Variants in CELF2 observed in about 807,000 individuals in gnomAD.
The protein encoded by CELF2 is CUG triplet repeat RNA-binding protein 2.
In CELF2, 8 loss-of-function variants were observed where a neutral mutation model predicts 62.6. That is an observed-to-expected ratio of 0.13 (90% confidence interval 0.07 to 0.23). The LOEUF is 0.23. Ranked by LOEUF, CELF2 falls within the 10% of genes least tolerant of loss-of-function variation. The pLI is 1.00. For missense variants in CELF2, 333 were observed against 671.0 expected, an observed-to-expected ratio of 0.50 and a Z score of 5.56; for synonymous variants, 258 against 250.0, an observed-to-expected ratio of 1.03 and a Z score of -0.30.
the CELF2 span, among the ~76,000 whole-genome samples, chr10:10,703,071 A>G: frequency 3.3e-5 from 5 of 151,984 alleles, no homozygotes; most frequent in South Asian, 2.1e-4. Flanking sequence ...TCCAGAACCA[A>G]CCCGACTTCT....
Position 10,927,346 on chromosome 10 carries a change from T to TAAAAAAAA in CELF2, c.89+7360_89+7367dup, listed in dbSNP as rs34283995. ...CACTCAAAGGAGAACCTAGTGACAT[T>TAAAAAAAA]AAAAAAAAAAAAAAAAAAAACACCT... On this transcript the variant is annotated intron_variant, in intron 2 of 13. Coordinates refer to the CELF2 transcript ENST00000636488. The TAAAAAAAA allele has an allele frequency of 8.3e-4, 71 of 85,760 alleles. 2 individuals carry two copies. Among genetic ancestry groups the TAAAAAAAA allele is most frequent in the East Asian group, 4.0e-3 (7 of 1,742 alleles). 5.3% of individuals were successfully genotyped at this position (85,760 alleles called of 1,614,324 possible).
the CELF2 span, among the ~76,000 whole-genome samples, chr10:10,564,075 A>G: frequency 6.6e-6 from 1 of 152,212 alleles, no homozygotes; most frequent in Non-Finnish European, 1.5e-5. Context: ...CATACAAAAA[A>G]TAACTTCCTC....
At chr10:10,620,246 A>T in the CELF2 span, among the ~76,000 whole-genome samples, 6 of 152,132 alleles carry the variant, frequency 3.9e-5, no homozygotes, top group African/African-American at 1.4e-4. Context: ...ACAACAGCAG[A>T]GTTCAGCCAG....
rs1438257524 is a variant in CELF2 at position 11,242,004 on chromosome 10, T to C, written c.355-7149T>C. Reference sequence around the variant, plus strand: ...GGATGATTTTTGTGTTGTCATGGAATGAAAGAAAAATACCAGTGGGTCTTT... The same window carrying C: ...GGATGATTTTTGTGTTGTCATGGAACGAAAGAAAAATACCAGTGGGTCTTT... On this transcript the variant is annotated intron_variant, in intron 3 of 12. Coordinates refer to ENST00000633077, the MANE Select transcript of CELF2 (RefSeq NM_001326342.2). The surrounding 1 kb of genome is among the most constrained non-coding windows in gnomAD (Gnocchi z 4.8). 6.6e-6 allele frequency among the ~76,000 whole-genome samples: 1 copy of C among 152,214 alleles called. No individual in the cohort carries two copies. The highest frequency in any genetic ancestry group is 2.4e-5 in the African/African-American group (1 of 41,446).
intron 1 of CELF2, among the ~76,000 whole-genome samples, chr10:10,857,528 G>A (rs1023428719): frequency 1.3e-4 from 19 of 151,382 alleles, no homozygotes; most frequent in African/African-American, 4.6e-4. Context: ...AAAACAGTGT[G>A]ATATTTAAAA....
chr10:10,977,902 A>G lies in CELF2; in HGVS notation c.89+57903A>G, dbSNP rs181878091. On this transcript the variant is annotated intron_variant, in intron 2 of 13. Transcript: ENST00000636488. ...ATCTCCTGGGATTGTTTTGAGGAAT[A>G]AACATAATATGCACAAGAAGTTAAA... Among the ~76,000 whole-genome samples, 532 of 152,364 alleles carry G rather than the reference A, an allele frequency of 3.5e-3. 3 individuals carry two copies. Among genetic ancestry groups the G allele is most frequent in the Non-Finnish European group, 5.0e-3 (340 of 68,038 alleles).
chr10:11,188,093 T>C (rs1455211882), intron 2 of CELF2, among the ~76,000 whole-genome samples: 1 of 152,212 alleles, frequency 6.6e-6, no homozygotes, highest in Non-Finnish European at 1.5e-5. Flanking sequence ...TTTTGAAGTA[T>C]GTATCTAGAT....
rs375181854 is a variant in CELF2, at chr10:11,288,561, G to C, written c.976+9G>C. 7 of 1,613,012 alleles carry C rather than the reference G, an allele frequency of 4.3e-6. No homozygotes were observed. The highest frequency in any genetic ancestry group is 1.7e-4 in the Middle Eastern group (1 of 6,058). ...AGCCCTCACGAGTCCCGGTGAGTGT[G>C]GGGGGTGCTCTTCCCTTGCAGGTGA... On this transcript the variant is annotated intron_variant, in intron 9 of 12. Coordinates refer to ENST00000633077, the MANE Select transcript of CELF2 (RefSeq NM_001326342.2).
chr10:10,586,429 T>C, the CELF2 span, among the ~76,000 whole-genome samples: 1 of 152,212 alleles, frequency 6.6e-6, no homozygotes, highest in Admixed American at 6.5e-5. Flanking sequence ...CTCTTCTGTA[T>C]GCATTGATTT....
intron 3 of CELF2, among the ~76,000 whole-genome samples, chr10:11,225,526 C>A (rs114218011): frequency 1.8e-4 from 27 of 152,162 alleles, no homozygotes; most frequent in African/African-American, 6.3e-4. Context: ...GAGTACTTCA[C>A]GTAGACAAAC....
chr10:10,736,081 C>T, the CELF2 span, among the ~76,000 whole-genome samples: 2 of 152,164 alleles, frequency 1.3e-5, no homozygotes, highest in African/African-American at 4.8e-5. Flanking sequence ...ATTGAGTACC[C>T]AGTCTAGTTC....
intron 1 of CELF2, among the ~76,000 whole-genome samples, chr10:11,101,537 A>C (rs2051639498): frequency 6.6e-6 from 1 of 152,230 alleles, no homozygotes; most frequent in Non-Finnish European, 1.5e-5. Flanking sequence ...TCAAGGTCAG[A>C]GAAATTGACA....
intron 2 of CELF2, among the ~76,000 whole-genome samples, chr10:10,963,645 T>C (rs953367668): frequency 1.4e-5 from 2 of 145,502 alleles, no homozygotes; most frequent in African/African-American, 5.7e-5. Context: ...GGGTCCATCC[T>C]GCCATATATT....
At chr10:10,581,737 A>G in the CELF2 span, among the ~76,000 whole-genome samples, 1 of 152,320 alleles carries the variant, frequency 6.6e-6, no homozygotes, top group South Asian at 2.1e-4. Context: ...TAAGATTAAA[A>G]GGGTCACATA....
the CELF2 span, among the ~76,000 whole-genome samples, chr10:10,464,029 T>C: frequency 3.3e-5 from 5 of 152,020 alleles, no homozygotes; most frequent in African/African-American, 1.2e-4. Context: ...AATGTGGCAT[T>C]CCATACGCTG....
At chr10:10,816,550 G>A (rs941769716) in intron 1 of CELF2, among the ~76,000 whole-genome samples, 1 of 152,182 alleles carries the variant, frequency 6.6e-6, no homozygotes, top group African/African-American at 2.4e-5. Flanking sequence ...TAGCCATAGA[G>A]CTGTAAGAAG....
At chr10:11,025,384 T>C (rs111732178) in intron 1 of CELF2, among the ~76,000 whole-genome samples, 27 of 152,254 alleles carry the variant, frequency 1.8e-4, no homozygotes, top group Middle Eastern at 3.4e-3. Context: ...AATTGAATTA[T>C]AGGGACAGTT....
chr10:10,555,652 A>C, the CELF2 span, among the ~76,000 whole-genome samples: 1 of 152,322 alleles, frequency 6.6e-6, no homozygotes, highest in East Asian at 1.9e-4. Context: ...GGTATATTGC[A>C]TACCCTGTAC....
chr10:10,702,873 C>T, the CELF2 span, among the ~76,000 whole-genome samples: 1 of 152,242 alleles, frequency 6.6e-6, no homozygotes, highest in Non-Finnish European at 1.5e-5. Context: ...CATAAGCCAT[C>T]GTGCCCAACC....
Sources: allele counts gnomAD v4.1 joint callset (sites outside exome capture counted in the v4.1 genomes callset), GRCh38; gene constraint gnomAD v4.1.1; non-coding constraint Gnocchi (gnomAD v3.1); transcripts MANE v1.5; gene names NCBI Gene and HGNC (gene_info 2026-07-23, HGNC 2026-07-21).